MRPL36: variants seen among roughly 807,000 people sequenced by gnomAD.
MRPL36 encodes mitochondrial ribosomal protein L36.
A neutral mutation model predicts 2.8 loss-of-function variants in MRPL36; 1 was observed. That is an observed-to-expected ratio of 0.36 (90% confidence interval 0.13 to 1.69). The LOEUF is 1.69. Among genes scored for constraint, MRPL36 ranks in the 40% most tolerant of loss-of-function variants. The pLI, the probability that MRPL36 is intolerant of heterozygous loss-of-function variation, is 0.35. For missense variants in MRPL36, 148 were observed against 132.7 expected (o/e 1.12, Z -0.57); for synonymous variants, 68 against 54.8 (o/e 1.24, Z -1.06).
rs747647816 is a variant in MRPL36 at position 1,798,676 on chromosome 5, C to T, written c.260G>A (p.Arg87Gln). 13 of 1,613,774 alleles carry T rather than the reference C, an allele frequency of 8.1e-6. No individual in the cohort carries two copies. The highest frequency in any genetic ancestry group is 2.2e-5 in the East Asian group (1 of 44,860). The part of the protein sequence containing the change: ...KDCYLVKRRG[R>Q]WYVYCKTHPR... Reference sequence around the variant, plus strand: ...ATGGGTTTTACAGTAGACGTACCACCGACCCCGCCTCTTCACCAGGTAACA... The same window carrying T: ...ATGGGTTTTACAGTAGACGTACCACTGACCCCGCCTCTTCACCAGGTAACA... The change falls in exon 2 of 2, where the codon CGG becomes CAG. Residue 87 changes from arginine to glutamine, a missense_variant. Physicochemically the swap from Arg to Gln is conservative, Grantham distance 43. Transcript: ENST00000505059.
upstream of MRPL36, chr5:1,801,320 G>GA: frequency 6.6e-7 from 1 of 1,507,950 alleles, no homozygotes; most frequent in Non-Finnish European, 8.9e-7. Context: ...CCGCCCCCAG[G>GA]GCGAAATAAA....
chr5:1,799,921 G>C (rs2111339715), upstream of MRPL36: 1 of 151,872 alleles, frequency 6.6e-6, no homozygotes, highest in African/African-American at 2.4e-5. Context: ...GCGGGGCGCA[G>C]AGACGCAGCA....
upstream of MRPL36, among the ~76,000 whole-genome samples, chr5:1,800,538 GACC>G (rs1204389761): frequency 6.6e-6 from 1 of 152,036 alleles, no homozygotes; most frequent in African/African-American, 2.4e-5. Flanking sequence ...ATCTGCCTCT[GACC>G]ACCACGTTTG....
At chr5:1,801,350 C>A, upstream of MRPL36, 1 of 1,567,102 alleles carries the variant, frequency 6.4e-7, no homozygotes. Flanking sequence ...TTTGGCGCCG[C>A]CAGAAGCCGT....
chr5:1,799,204 C>A, intron 1 of MRPL36: 1 of 405,934 alleles, frequency 2.5e-6, no homozygotes, highest in Non-Finnish European at 4.4e-6. Flanking sequence ...GTGTGCAAAG[C>A]CCTGCGATGT....
In MRPL36 at chr5:1,799,784, T is replaced by TCCCTTACCCGGCCGCACG. The variant is rs1554017852; in HGVS notation, c.-23_-13+7dup. 6.0e-5 allele frequency: 8 copies of TCCCTTACCCGGCCGCACG among 134,376 alleles called. No homozygotes were observed. Among genetic ancestry groups the TCCCTTACCCGGCCGCACG allele is most frequent in the South Asian group, 2.3e-4 (1 of 4,288 alleles). 8.3% of individuals were successfully genotyped at this position (134,376 alleles called of 1,614,324 possible). ...GGGACCCCTGACCTGAGAAGACGGC[T>TCCCTTACCCGGCCGCACG]CCCTTACCCGGCCGCACGCTCTCAC... On this transcript the variant is annotated splice_region_variant and intron_variant, in intron 1 of 1. Transcript: ENST00000505059.
At chr5:1,800,895 T>C (rs1734017596), upstream of MRPL36, among the ~76,000 whole-genome samples, 1 of 152,246 alleles carries the variant, frequency 6.6e-6, no homozygotes, top group East Asian at 1.9e-4. Flanking sequence ...ACGAGGAGAA[T>C]GCACTTCCAG....
chr5:1,801,318 A>AG, upstream of MRPL36: 1 of 1,498,438 alleles, frequency 6.7e-7, no homozygotes, highest in East Asian at 2.4e-5. Flanking sequence ...CCCCGCCCCC[A>AG]GGGCGAAATA....
In MRPL36 at chr5:1,798,996, C is replaced by A. The variant is rs1733938215; in HGVS notation, c.-12-49G>T. On this transcript the variant is annotated intron_variant, in intron 1 of 1. Coordinates refer to ENST00000505059, the MANE Select transcript of MRPL36 (RefSeq NM_032479.4). ...GTTATAGCTTCTCCTGCACTTCCAC[C>A]TGCTCTTTAAGGCTTCCTTTTCTCT... 3 of 1,424,442 alleles carry A rather than the reference C, an allele frequency of 2.1e-6. No individual in the cohort carries two copies. The Admixed American group carries it at 6.4e-5, about 31-fold the overall frequency. 88.2% of individuals were successfully genotyped at this position (1,424,442 alleles called of 1,614,324 possible).
chr5:1,799,144 C>T, intron 1 of MRPL36, 197 bp from the exon 2 acceptor site: 4 of 519,338 alleles, frequency 7.7e-6, no homozygotes, highest in Middle Eastern at 5.0e-4. Context: ...GAATAAGGGG[C>T]AGTGGACGGT....
chr5:1,801,202 T>C (rs1470866830), upstream of MRPL36: 5 of 672,104 alleles, frequency 7.4e-6, no homozygotes, highest in Non-Finnish European at 1.2e-5. Context: ...AAGCGCACAG[T>C]ACTCGGTGTA....
rs1733914032 is a variant in MRPL36, at chr5:1,798,514, T to C, written c.*110A>G. 1 of 1,070,056 alleles carries C rather than the reference T, an allele frequency of 9.3e-7. No individual in the cohort carries two copies. The highest frequency in any genetic ancestry group is 1.6e-5 in the African/African-American group (1 of 63,104). The allele number at this position is 1,070,056 out of a possible 1,614,324, so 66.3% of individuals were successfully genotyped here. ...ATGGGTAACTTTTAGGGCGTTTGCT[T>C]CCAGTCACTTTCCCCTGACTCCTTG... On this transcript the variant is annotated 3_prime_UTR_variant, in exon 2 of 2. Coordinates refer to ENST00000505059, the MANE Select transcript of MRPL36 (RefSeq NM_032479.4).
chr5:1,798,539 G>C lies in MRPL36; in HGVS notation c.*85C>G, dbSNP rs1733914815. 2 of 1,380,644 alleles carry C rather than the reference G, an allele frequency of 1.4e-6. No individual in the cohort carries two copies. The highest frequency in any genetic ancestry group is 4.1e-5 in the Admixed American group (2 of 48,226). 85.5% of individuals were successfully genotyped at this position (1,380,644 alleles called of 1,614,324 possible). On this transcript the variant is annotated 3_prime_UTR_variant, in exon 2 of 2. Coordinates refer to ENST00000505059, the MANE Select transcript of MRPL36 (RefSeq NM_032479.4). Reference sequence around the variant, plus strand: ...TCCAGTCACTTTCCCCTGACTCCTTGATGTGATAATTCCTTCCATAAGATA... The same window carrying C: ...TCCAGTCACTTTCCCCTGACTCCTTCATGTGATAATTCCTTCCATAAGATA...
chr5:1,798,955 A>G lies in MRPL36; in HGVS notation c.-12-8T>C. The stretch of plus-strand genomic sequence containing the variant: ...TGCCATGTTGTGGTGAATCTATGGG[A>G]GAGAGAAAAAAAGGAGTTATAGCTT... On this transcript the variant is annotated splice_region_variant and splice_polypyrimidine_tract_variant and intron_variant, in intron 1 of 1. Coordinates refer to ENST00000505059, the MANE Select transcript of MRPL36 (RefSeq NM_032479.4). 6.5e-7 allele frequency: 1 copy of G among 1,549,834 alleles called. No individual in the cohort carries two copies. Among genetic ancestry groups the G allele is most frequent in the Non-Finnish European group, 8.7e-7 (1 of 1,144,696 alleles).
chr5:1,800,627 C>G (rs1734009115), upstream of MRPL36, among the ~76,000 whole-genome samples: 1 of 152,200 alleles, frequency 6.6e-6, no homozygotes, highest in Non-Finnish European at 1.5e-5. Context: ...TATCATCTTC[C>G]CCGCCACTCA....
In MRPL36 at chr5:1,798,916, C is replaced by T; in HGVS notation, c.20G>A (p.Arg7Lys). The part of the protein sequence containing the change: MANLFI[R>K]KMVNPLLYLS... ...ATAGAGCAGAGGGTTCACCATTTTC[C>T]TTATAAAAAGATTTGCCATGTTGTG... The change falls in exon 2 of 2, where the codon AGG becomes AAG. Residue 7 changes from arginine (R) to lysine (K), a missense_variant. Coordinates refer to ENST00000505059, the MANE Select transcript of MRPL36 (RefSeq NM_032479.4). The T allele has an allele frequency of 1.3e-6, 2 of 1,592,866 alleles. No individual in the cohort carries two copies. Among genetic ancestry groups the T allele is most frequent in the African/African-American group, 1.3e-5 (1 of 74,316 alleles).
chr5:1,799,377 C>T, intron 1 of MRPL36: 1 of 154,176 alleles, frequency 6.5e-6, no homozygotes. Flanking sequence ...GCCCCCGCTC[C>T]GGAAGAGCAC....
chr5:1,798,387 T>C lies in MRPL36; in HGVS notation c.*237A>G, dbSNP rs1163663076. ...CAGAGAGAATGAATGAACTAAGCTA[T>C]TCGGAAGGTCTATTTTAATAGGAAA... On this transcript the variant is annotated 3_prime_UTR_variant, in exon 2 of 2. Coordinates refer to ENST00000505059, the MANE Select transcript of MRPL36 (RefSeq NM_032479.4). 1.6e-5 allele frequency: 7 copies of C among 434,934 alleles called. No individual in the cohort carries two copies. Among genetic ancestry groups the C allele is most frequent in the Non-Finnish European group, 2.9e-5 (7 of 238,758 alleles). The allele number at this position is 434,934 out of a possible 1,614,324, so 26.9% of individuals were successfully genotyped here.
rs1409357837 is a variant in MRPL36, at chr5:1,798,868, G to C, written c.68C>G (p.Pro23Arg). 20 of 1,613,006 alleles carry C rather than the reference G, an allele frequency of 1.2e-5. No individual in the cohort carries two copies. The highest frequency in any genetic ancestry group is 1.6e-5 in the Non-Finnish European group (19 of 1,179,198). ...LLYLSRHTVK[P>R]RALSTFLFGS... ...AAATAGAAATGTGGAGAGGGCTCGA[G>C]GCTTCACCGTGTGACGACTGAGATA... The change falls in exon 2 of 2, where the codon CCT (proline) becomes CGT (arginine). Residue 23 changes from proline to arginine, a missense_variant. Coordinates refer to ENST00000505059, the MANE Select transcript of MRPL36 (RefSeq NM_032479.4).
Sources: gnomAD v4.1 joint callset for allele counts (sites outside exome capture counted in the v4.1 genomes callset) on GRCh38, gnomAD v4.1.1 for gene constraint, MANE v1.5 for transcripts, NCBI Gene and HGNC (gene_info 2026-07-23, HGNC 2026-07-21) for gene names.